Variants in NAV2 observed in about 807,000 individuals in gnomAD.
NAV2 encodes the protein helicase, APC down-regulated 1.
Under a neutral mutation model 223.2 loss-of-function variants are expected in NAV2, and 54 were observed. The ratio of observed to expected loss-of-function variants is 0.24; its 90% CI spans 0.19 to 0.30. The LOEUF is 0.30. NAV2 is among the 10% of genes least tolerant of loss of function. The pLI, the probability that NAV2 is intolerant of heterozygous loss-of-function variation, is 1.00. For synonymous variants in NAV2, 1,279 were observed against 1,239.3 expected (o/e 1.03, Z -0.67); for missense variants, 2,806 against 3,147.5 (o/e 0.89, Z 2.60).
At chr11:19,533,989 A>T (rs2044110601) in intron 1 of NAV2, among the ~76,000 whole-genome samples, 1 of 132,130 alleles carries the variant, frequency 7.6e-6, no homozygotes, top group African/African-American at 4.4e-5. Flanking sequence ...TACAGGCGTG[A>T]GCCACCGCGC....
intron 1 of NAV2, among the ~76,000 whole-genome samples, chr11:19,617,088 C>T (rs2046819988): frequency 6.6e-6 from 1 of 152,048 alleles, no homozygotes; most frequent in Non-Finnish European, 1.5e-5. Flanking sequence ...TATTTTCTCC[C>T]TAGAAGTCTA....
At chr11:19,603,902 G>A (rs2046413416) in intron 1 of NAV2, among the ~76,000 whole-genome samples, 1 of 152,120 alleles carries the variant, frequency 6.6e-6, no homozygotes, top group African/African-American at 2.4e-5. Flanking sequence ...GGAAGGGAGG[G>A]AGGGAGCTAT....
intron 1 of NAV2, among the ~76,000 whole-genome samples, chr11:19,434,284 A>G (rs1283877491): frequency 1.3e-5 from 2 of 152,234 alleles, no homozygotes; most frequent in African/African-American, 4.8e-5. Context: ...GATGAGGTAC[A>G]TATTAAAGAT....
chr11:19,945,136 T>C (rs1215450425), intron 8 of NAV2, among the ~76,000 whole-genome samples: 4 of 141,364 alleles, frequency 2.8e-5, no homozygotes, highest in South Asian at 2.4e-4. Flanking sequence ...TTTCTTTCTT[T>C]CTTCCTTTCT....
rs757183666 is a variant in NAV2, at chr11:19,787,270, CTTT to C, written c.268-45188_268-45186del. On this transcript the variant is annotated intron_variant, in intron 1 of 37. Coordinates refer to ENST00000349880, the MANE Select transcript of NAV2 (RefSeq NM_145117.5). ...CATGCCTGGCTAATTTTTATTGGAT[CTTT>C]TTTTTTTTTTTTTTTTTTTTTTTTT... Among the ~76,000 whole-genome samples the C allele has an allele frequency of 1.5e-4, 8 of 55,002 alleles. 1 individual carries two copies. Among genetic ancestry groups the C allele is most frequent in the African/African-American group, 5.0e-4 (8 of 16,150 alleles). 36.1% of individuals were successfully genotyped at this position (55,002 alleles called of 152,430 possible).
In NAV2 at chr11:19,934,060, G is replaced by A. The variant is rs755654845; in HGVS notation, c.1816G>A (p.Asp606Asn). The A allele has an allele frequency of 1.2e-6, 2 of 1,606,932 alleles. No individual in the cohort carries two copies. Among genetic ancestry groups the A allele is most frequent in the East Asian group, 2.2e-5 (1 of 44,770 alleles). ...SGLPQQKPQL[D>N]GRHSSSSSSL... is the part of the protein sequence containing the mutation. ...ACTCCCCCAGCAGAAGCCCCAGCTG[G>A]ACGGCAGACACTCCAGTTCCTCTTC... Residue 606 changes from aspartate to asparagine, a missense_variant, in exon 7 of 38, where the codon GAC becomes AAC. Around this residue, in one of 4 missense-constraint regions of NAV2, gnomAD observed 1,167 missense variants for 1,180.5 expected, o/e 0.99. Transcript: ENST00000349880.
intron 1 of NAV2, among the ~76,000 whole-genome samples, chr11:19,477,742 T>A (rs907141408): frequency 1.3e-5 from 2 of 152,242 alleles, no homozygotes; most frequent in African/African-American, 4.8e-5. Flanking sequence ...TTTATCTTCA[T>A]GGCCTCTCCT....
intron 10 of NAV2, among the ~76,000 whole-genome samples, chr11:19,958,535 G>A (rs1406600564): frequency 6.6e-6 from 1 of 152,146 alleles, no homozygotes; most frequent in Non-Finnish European, 1.5e-5. Flanking sequence ...AGTCCAGGCT[G>A]GTTCCACTAC....
intron 1 of NAV2, among the ~76,000 whole-genome samples, chr11:19,690,946 C>T (rs1190939098): frequency 6.6e-6 from 1 of 152,212 alleles, no homozygotes; most frequent in Non-Finnish European, 1.5e-5. Flanking sequence ...GTCTTTTCTG[C>T]CACACCCCTC....
chr11:19,590,753 T>C (rs1460428948), intron 1 of NAV2, among the ~76,000 whole-genome samples: 2 of 152,232 alleles, frequency 1.3e-5, no homozygotes, highest in East Asian at 3.9e-4. Context: ...ACCATTATGG[T>C]TTTTTCTTTA....
chr11:19,485,728 A>T (rs1186583152), intron 1 of NAV2, among the ~76,000 whole-genome samples: 1 of 150,758 alleles, frequency 6.6e-6, no homozygotes, highest in Non-Finnish European at 1.5e-5. Context: ...TCTATTAAGG[A>T]TTTTTTTTTT....
intron 1 of NAV2, among the ~76,000 whole-genome samples, chr11:19,581,473 A>C (rs2045715318): frequency 6.6e-6 from 1 of 151,764 alleles, no homozygotes. Flanking sequence ...GCACCCGTTA[A>C]CTCGTCATTT....
chr11:19,484,490 C>G (rs1331001127), intron 1 of NAV2, among the ~76,000 whole-genome samples: 1 of 152,244 alleles, frequency 6.6e-6, no homozygotes, highest in African/African-American at 2.4e-5. Flanking sequence ...GAGGCAGGGA[C>G]ACTTTGGCTC....
chr11:19,989,548 G>A (rs1479103420), intron 11 of NAV2, among the ~76,000 whole-genome samples: 3 of 152,126 alleles, frequency 2.0e-5, no homozygotes, highest in Non-Finnish European at 2.9e-5. Context: ...ATATTAACTT[G>A]TTATGGCAAT....
intron 1 of NAV2, among the ~76,000 whole-genome samples, chr11:19,783,982 G>A (rs1165560331): frequency 6.6e-6 from 1 of 152,100 alleles, no homozygotes; most frequent in African/African-American, 2.4e-5. Flanking sequence ...GAGATAATAA[G>A]CAAAACATGT....
At chr11:19,363,138 C>A (rs929517942) in intron 1 of NAV2, among the ~76,000 whole-genome samples, 2 of 152,142 alleles carry the variant, frequency 1.3e-5, no homozygotes, top group East Asian at 1.9e-4. Context: ...CCTAGCCCCC[C>A]ACCCCACGAC....
rs377439490 is a variant in NAV2, at chr11:19,948,962, G to A, written c.2527G>A (p.Val843Ile). 491 of 1,613,980 alleles carry A rather than the reference G, an allele frequency of 3.0e-4. 7 individuals carry two copies. The South Asian group carries it at 4.0e-3, about 13-fold the overall frequency. The change falls in exon 10 of 38, where the codon GTC (valine) becomes ATC (isoleucine). Residue 843 changes from valine to isoleucine, a missense_variant. This residue lies in a region of NAV2 where 1,167 missense variants were observed against 1,180.5 expected (regional missense o/e 0.99). Coordinates refer to ENST00000349880, the MANE Select transcript of NAV2 (RefSeq NM_145117.5). ...SRGSSVCHVD[V>I]SDKAGDEMDL... is the part of the protein sequence containing the mutation. ...GGGCAGTAGTGTCTGCCATGTGGAC[G>A]TCTCAGACAAGGCAGGAGATGAGAT...
chr11:19,463,757 A>G lies in NAV2; in HGVS notation c.75+112730A>G, dbSNP rs145231380. The stretch of plus-strand genomic sequence containing the variant: ...GAAGGGCAATCCAGGCAGGGAATAC[A>G]AGGTTTTGGAGGCAAGAGGGAACAG... On this transcript the variant is annotated intron_variant, in intron 1 of 37. Coordinates refer to the NAV2 transcript ENST00000360655. 2.5e-3 allele frequency among the ~76,000 whole-genome samples: 379 copies of G among 152,228 alleles called. 4 individuals are homozygous for G. The highest frequency in any genetic ancestry group is 6.9e-3 in the African/African-American group (285 of 41,538).
intron 1 of NAV2, among the ~76,000 whole-genome samples, chr11:19,549,943 G>C (rs950388954): frequency 2.6e-5 from 4 of 152,250 alleles, no homozygotes; most frequent in African/African-American, 9.6e-5. Flanking sequence ...AAAAGAAGGG[G>C]AGATGGAGCA....
Sources: allele counts gnomAD v4.1 joint callset (sites outside exome capture counted in the v4.1 genomes callset), GRCh38; gene constraint gnomAD v4.1.1; regional missense constraint gnomAD v4.1.1; transcripts MANE v1.5; gene names NCBI Gene and HGNC (gene_info 2026-07-23, HGNC 2026-07-21).